PLCH1: variants seen among roughly 807,000 people sequenced by gnomAD.
PLCH1 encodes phospholipase C eta 1, also known as 1-phosphatidylinositol 4,5-bisphosphate phosphodiesterase eta-1.
In PLCH1, 60 loss-of-function variants were observed where a neutral mutation model predicts 126.7. The ratio of observed to expected loss-of-function variants is 0.47; its 90% CI spans 0.38 to 0.59. The LOEUF (loss-of-function observed/expected upper bound fraction) is 0.59. PLCH1 is among the 20% of genes least tolerant of loss of function. The probability of loss-of-function intolerance (pLI) is 0.00; values close to 1 mark genes in which losing one functional copy is unlikely to be tolerated. For missense variants in PLCH1, 1,723 were observed against 2,040.0 expected, an observed-to-expected ratio of 0.84 and a Z score of 2.99; for synonymous variants, 719 against 734.9, an observed-to-expected ratio of 0.98 and a Z score of 0.35.
chr3:155,713,789 T>C (rs535674836), intron 1 of PLCH1, among the ~76,000 whole-genome samples: 2 of 152,302 alleles, frequency 1.3e-5, no homozygotes, highest in Non-Finnish European at 2.9e-5. Context: ...CAAAAAGGGA[T>C]GGCAGTGAAT....
chr3:155,744,206 G>A (rs1411146806), intron 1 of PLCH1, among the ~76,000 whole-genome samples: 2 of 152,188 alleles, frequency 1.3e-5, no homozygotes, highest in African/African-American at 2.4e-5. Context: ...AGTCGCCAAG[G>A]AAACGCCGCG....
chr3:155,547,592 T>C (rs912751658), intron 10 of PLCH1, among the ~76,000 whole-genome samples: 3 of 152,112 alleles, frequency 2.0e-5, no homozygotes, highest in African/African-American at 7.2e-5. Flanking sequence ...CATGCACATG[T>C]ATGTTTACTG....
intron 11 of PLCH1, among the ~76,000 whole-genome samples, chr3:155,522,732 G>T: frequency 6.7e-6 from 1 of 149,316 alleles, no homozygotes; most frequent in Admixed American, 6.6e-5. Flanking sequence ...TTTTTTTAGA[G>T]GGTAGAATCA....
chr3:155,523,707 A>G (rs1338043692), intron 11 of PLCH1, among the ~76,000 whole-genome samples, 190 bp downstream of exon 11: 1 of 152,250 alleles, frequency 6.6e-6, no homozygotes, highest in Non-Finnish European at 1.5e-5. Context: ...CTCAGACACA[A>G]GAATCCTTGA....
At chr3:155,599,236 G>C (rs1220508783) in intron 2 of PLCH1, among the ~76,000 whole-genome samples, 1 of 151,926 alleles carries the variant, frequency 6.6e-6, no homozygotes, top group Non-Finnish European at 1.5e-5. Context: ...TATTGTTATT[G>C]AAATAGTTAA....
chr3:155,596,689 T>C (rs1733028094), intron 2 of PLCH1, among the ~76,000 whole-genome samples: 3 of 152,260 alleles, frequency 2.0e-5, no homozygotes, highest in Admixed American at 2.0e-4. Context: ...CTTGGATTTA[T>C]GTTCTTAAAG....
chr3:155,472,649 C>T (rs1713321842), intron 21 of PLCH1, among the ~76,000 whole-genome samples: 1 of 151,720 alleles, frequency 6.6e-6, no homozygotes, highest in Non-Finnish European at 1.5e-5. Context: ...AGACCAATAT[C>T]CTTGATGAAC....
chr3:155,615,274 T>C (rs1394058959), intron 2 of PLCH1, among the ~76,000 whole-genome samples: 2 of 151,886 alleles, frequency 1.3e-5, no homozygotes, highest in African/African-American at 2.4e-5. Context: ...AATCAAAAAA[T>C]CAAAAAATAC....
intron 2 of PLCH1, among the ~76,000 whole-genome samples, chr3:155,660,216 C>T (rs1741966467): frequency 6.6e-6 from 1 of 152,206 alleles, no homozygotes; most frequent in African/African-American, 2.4e-5. Flanking sequence ...TTTCCTAATA[C>T]AGCAGAGCCA....
At chr3:155,682,471 G>A (rs943392237) in intron 2 of PLCH1, among the ~76,000 whole-genome samples, 2 of 152,150 alleles carry the variant, frequency 1.3e-5, no homozygotes, top group African/African-American at 4.8e-5. Flanking sequence ...GTACCTAAAT[G>A]CTCAATTAAG....
intron 10 of PLCH1, among the ~76,000 whole-genome samples, chr3:155,547,061 C>G (rs1240219411): frequency 6.8e-6 from 1 of 147,148 alleles, no homozygotes; most frequent in Non-Finnish European, 1.5e-5. Context: ...AACTAAAGAG[C>G]TTCTGCACAG....
At chr3:155,610,378 AAAAAAAAAAAAC>A (rs1276724058) in intron 2 of PLCH1, among the ~76,000 whole-genome samples, 4 of 149,620 alleles carry the variant, frequency 2.7e-5, no homozygotes, top group African/African-American at 9.8e-5. Context: ...AAAAAAAAAA[AAAAAAAAAAAAC>A]CATCACCTAG....
At chr3:155,706,923 A>G (rs971276518) in intron 1 of PLCH1, among the ~76,000 whole-genome samples, 33 of 152,134 alleles carry the variant, frequency 2.2e-4, no homozygotes, top group African/African-American at 7.2e-4. Flanking sequence ...AGCCACAGAC[A>G]TGTGCTATAT....
chr3:155,666,892 AGG>A (rs1491414066), intron 2 of PLCH1, among the ~76,000 whole-genome samples: 1 of 132,378 alleles, frequency 7.6e-6, no homozygotes, highest in Non-Finnish European at 1.6e-5. Context: ...GACACAGATG[AGG>A]TGTGTGTGTG....
chr3:155,574,729 T>C (rs1041738145), intron 6 of PLCH1, among the ~76,000 whole-genome samples: 3 of 152,240 alleles, frequency 2.0e-5, no homozygotes, highest in African/African-American at 4.8e-5. Flanking sequence ...AGCATTTGAA[T>C]AGACGATTTC....
At chr3:155,501,526 C>T (rs1375037556) in intron 13 of PLCH1, among the ~76,000 whole-genome samples, 1 of 152,144 alleles carries the variant, frequency 6.6e-6, no homozygotes, top group Non-Finnish European at 1.5e-5. Context: ...GGCGTGGTGG[C>T]TCGCGCCTGT....
intron 10 of PLCH1, among the ~76,000 whole-genome samples, chr3:155,544,333 C>A (rs1264504352): frequency 6.6e-6 from 1 of 152,138 alleles, no homozygotes; most frequent in Admixed American, 6.5e-5. Context: ...ACAAGAAGAG[C>A]TAACTATCCT....
At chr3:155,488,129 G>A (rs367747258) in intron 20 of PLCH1, 22 bp from the exon 21 acceptor site, 89 of 1,515,358 alleles carry the variant, frequency 5.9e-5, no homozygotes, top group African/African-American at 4.3e-4. Flanking sequence ...AAAGAGAGTC[G>A]TTTCTTTTTA....
intron 3 of PLCH1, among the ~76,000 whole-genome samples, chr3:155,595,001 G>A (rs1488020253): frequency 6.6e-6 from 1 of 152,250 alleles, no homozygotes; most frequent in African/African-American, 2.4e-5. Flanking sequence ...GGGCTAAGGT[G>A]GTGAAGGCAG....
Sources: gnomAD v4.1 joint callset for allele counts (sites outside exome capture counted in the v4.1 genomes callset) on GRCh38, gnomAD v4.1.1 for gene constraint, MANE v1.5 for transcripts, NCBI Gene and HGNC (gene_info 2026-07-23, HGNC 2026-07-21) for gene names.